ATP8A2: variants seen among roughly 807,000 people sequenced by gnomAD.
ATP8A2 encodes the protein phospholipid-transporting ATPase IB.
A neutral mutation model predicts 165.6 loss-of-function variants in ATP8A2; 100 were observed. That is an observed-to-expected ratio of 0.60 (90% CI 0.51 to 0.71). The LOEUF (loss-of-function observed/expected upper bound fraction) is 0.71, where lower values mean the gene tolerates loss of function less well. Ranked by LOEUF, ATP8A2 falls within the 30% of genes least tolerant of loss-of-function variation. The probability of loss-of-function intolerance (pLI) is 0.00; values close to 1 mark genes in which losing one functional copy is unlikely to be tolerated. For missense variants in ATP8A2, 1,227 were observed against 1,479.5 expected (o/e 0.83, Z 2.80); for synonymous variants, 543 against 548.8 (o/e 0.99, Z 0.15).
In ATP8A2 at chr13:25,860,328, A is replaced by T. The variant is rs1033433089; in HGVS notation, c.3018+72A>T. 4.8e-6 allele frequency: 4 copies of T among 828,756 alleles called. No individual in the cohort carries two copies. In the African/African-American group the frequency reaches 6.8e-5, roughly 14 times the overall value. 51.3% of individuals were successfully genotyped at this position (828,756 alleles called of 1,614,324 possible). On this transcript the variant is annotated intron_variant, in intron 31 of 36. Coordinates refer to ENST00000381655, the MANE Select transcript of ATP8A2 (RefSeq NM_016529.6). ...TGGCTTGCACTTCTCTAAACCCTTA[A>T]AAAGGGCCTTCCTCATTATTATTAT...
At chr13:25,378,915 T>C (rs2032738933) in intron 1 of ATP8A2, among the ~76,000 whole-genome samples, 1 of 152,250 alleles carries the variant, frequency 6.6e-6, no homozygotes. Context: ...TCGCATATTT[T>C]TCTTACGGAT....
At chr13:25,731,717 G>A (rs2043650909) in intron 25 of ATP8A2, among the ~76,000 whole-genome samples, 1 of 152,132 alleles carries the variant, frequency 6.6e-6, no homozygotes, top group Non-Finnish European at 1.5e-5. Context: ...ATAAGCAGAG[G>A]GATTTCTGGC....
rs140520452 is a variant in ATP8A2, at chr13:25,535,121, C to T, written c.507+1808C>T. Among the ~76,000 whole-genome samples the T allele has an allele frequency of 3.0e-4, 45 of 152,230 alleles. No individual in the cohort carries two copies. The East Asian group carries it at 7.5e-3, about 25-fold the overall frequency. Reference sequence around the variant, plus strand: ...TCTGCCCTCCAGAGATGCTCTAGTGCGCTCTTGAAGGGTGAATCAGGGGTA... The same window carrying T: ...TCTGCCCTCCAGAGATGCTCTAGTGTGCTCTTGAAGGGTGAATCAGGGGTA... On this transcript the variant is annotated intron_variant, in intron 6 of 36. Coordinates refer to ENST00000381655, the MANE Select transcript of ATP8A2 (RefSeq NM_016529.6).
At chr13:25,654,485 G>A (rs115273655) in intron 24 of ATP8A2, among the ~76,000 whole-genome samples, 5,257 of 152,280 alleles carry the variant, frequency 0.035, 158 homozygotes, top group East Asian at 0.13. Flanking sequence ...AGGATTACAG[G>A]CGTGAGCCAC....
chr13:25,381,426 T>C (rs1292454516), intron 1 of ATP8A2, among the ~76,000 whole-genome samples: 2 of 152,214 alleles, frequency 1.3e-5, no homozygotes, highest in Non-Finnish European at 2.9e-5. Context: ...TAGATAATGT[T>C]CAAATACCAT....
intron 25 of ATP8A2, among the ~76,000 whole-genome samples, chr13:25,702,949 C>T (rs536065267): frequency 5.6e-4 from 85 of 152,260 alleles, no homozygotes; most frequent in African/African-American, 1.9e-3. Flanking sequence ...CTGGTCCTAT[C>T]GTATTCCCAC....
chr13:25,479,585 A>T (rs2036098829), intron 2 of ATP8A2, among the ~76,000 whole-genome samples: 1 of 152,030 alleles, frequency 6.6e-6, no homozygotes, highest in South Asian at 2.1e-4. Flanking sequence ...GAAGGTCAGC[A>T]GATAAACAAG....
At chr13:25,825,964 T>C (rs893797710) in intron 27 of ATP8A2, among the ~76,000 whole-genome samples, 11 of 152,024 alleles carry the variant, frequency 7.2e-5, no homozygotes, top group Admixed American at 2.6e-4. Context: ...ATTGGGGTGA[T>C]GGTCAAAGGG....
At chr13:25,605,635 C>G (rs754408490) in intron 24 of ATP8A2, among the ~76,000 whole-genome samples, 2 of 152,060 alleles carry the variant, frequency 1.3e-5, no homozygotes, top group Admixed American at 6.5e-5. Context: ...AAAAATGCAA[C>G]TACTCACAAT....
At chr13:25,380,753 T>C (rs1447251612) in intron 1 of ATP8A2, among the ~76,000 whole-genome samples, 1 of 152,180 alleles carries the variant, frequency 6.6e-6, no homozygotes, top group Non-Finnish European at 1.5e-5. Context: ...AATAAAATTA[T>C]CTGACGGTCA....
At position 26,024,811 on chromosome 13, in the gene ATP8A2, CTGTT is replaced by C. The variant is rs550423474; in HGVS notation, c.*4832_*4835del. On this transcript the variant is annotated 3_prime_UTR_variant, in exon 37 of 37. Transcript: ENST00000381655. ...ACCTGGCTGAAGAAAGAAAGGAGAC[CTGTT>C]TGTTTTAAAAGTCGGGCGCAAAGTG... 1.2e-4 allele frequency: 19 copies of C among 152,284 alleles called. No homozygotes were observed. The highest frequency in any genetic ancestry group is 3.4e-3 in the Middle Eastern group (1 of 294). 9.4% of individuals were successfully genotyped at this position (152,284 alleles called of 1,614,324 possible).
intron 33 of ATP8A2, among the ~76,000 whole-genome samples, chr13:25,888,995 A>C (rs1953261542): frequency 6.6e-6 from 1 of 152,032 alleles, no homozygotes; most frequent in Non-Finnish European, 1.5e-5. Flanking sequence ...TAAATATGGC[A>C]ATTTTTTCCT....
intron 28 of ATP8A2, 76 bp downstream of exon 28, chr13:25,828,268 G>T: frequency 8.3e-7 from 1 of 1,206,358 alleles, no homozygotes; most frequent in South Asian, 1.2e-5. Flanking sequence ...GTTTATGTCT[G>T]GGAAGTGTAT....
chr13:25,678,147 G>A (rs1349889218), intron 24 of ATP8A2, among the ~76,000 whole-genome samples: 3 of 152,168 alleles, frequency 2.0e-5, no homozygotes. Flanking sequence ...CTTCAACTCT[G>A]TGTCCCTAGC....
Position 25,770,523 on chromosome 13 carries a change from T to C in ATP8A2, c.2568+1294T>C, listed in dbSNP as rs576014637. On this transcript the variant is annotated intron_variant, in intron 26 of 36. Transcript: ENST00000381655. ...CTTAAAAACTCTGCTCCCCGAATGC[T>C]TGGGGAGACTGATTTGAGTAATAAT... 5.9e-5 allele frequency among the ~76,000 whole-genome samples: 9 copies of C among 152,294 alleles called. No individual in the cohort carries two copies. The South Asian group carries it at 1.9e-3, about 32-fold the overall frequency.
At chr13:25,883,266 A>G (rs976460406) in intron 33 of ATP8A2, among the ~76,000 whole-genome samples, 6 of 152,072 alleles carry the variant, frequency 3.9e-5, no homozygotes, top group East Asian at 1.9e-4. Flanking sequence ...ATGAAAAAAT[A>G]CAAATTAGCT....
At chr13:25,585,822 T>G (rs1368679237) in intron 23 of ATP8A2, among the ~76,000 whole-genome samples, 1 of 152,174 alleles carries the variant, frequency 6.6e-6, no homozygotes, top group African/African-American at 2.4e-5. Context: ...TTACTGCTGT[T>G]TTTCACAGAA....
At chr13:25,465,737 T>TTCTTTCTTTCTTTCCCTCCCTCCC (rs1555274928) in intron 1 of ATP8A2, among the ~76,000 whole-genome samples, 1 of 5,602 alleles carries the variant, frequency 1.8e-4, no homozygotes, top group African/African-American at 3.2e-4. Context: ...CTTTCTTTCT[T>TTCTTTCTTTCTTTCCCTCCCTCCC]TCCCTCCCTC....
chr13:25,808,174 G>A (rs10459413), intron 27 of ATP8A2, among the ~76,000 whole-genome samples: 13 of 150,180 alleles, frequency 8.7e-5, no homozygotes, highest in African/African-American at 3.2e-4. Flanking sequence ...GTGTCACCCA[G>A]GCTGGAGTGC....
Sources: allele counts gnomAD v4.1 joint callset (sites outside exome capture counted in the v4.1 genomes callset), GRCh38; gene constraint gnomAD v4.1.1; transcripts MANE v1.5; gene names NCBI Gene and HGNC (gene_info 2026-07-23, HGNC 2026-07-21).